SRI: variants seen among roughly 807,000 people sequenced by gnomAD.
SRI encodes the protein sorcin.
SRI carries 30 observed loss-of-function variants against 33.3 expected under a neutral mutation model. The ratio of observed to expected loss-of-function variants is 0.90; its 90% CI spans 0.67 to 1.22. The LOEUF (loss-of-function observed/expected upper bound fraction) is 1.22. Among genes scored for constraint, SRI ranks in the 50% most tolerant of loss-of-function variants. SRI has a pLI of 0.00. For synonymous variants in SRI, 75 were observed against 89.9 expected, an observed-to-expected ratio of 0.83 and a Z score of 0.94; for missense variants, 243 against 250.8, an observed-to-expected ratio of 0.97 and a Z score of 0.21.
chr7:88,209,105 A>G, intron 6 of SRI: 1 of 366,750 alleles, frequency 2.7e-6, no homozygotes, highest in South Asian at 4.5e-5. Flanking sequence ...GTTTTAGAAC[A>G]TTTTAGTAAA....
intron 2 of SRI, among the ~76,000 whole-genome samples, chr7:88,217,486 G>C (rs534767528): frequency 6.6e-6 from 1 of 151,964 alleles, no homozygotes; most frequent in East Asian, 1.9e-4. Context: ...TTTTTTGATG[G>C]GGGTGGAGAG....
At chr7:88,222,780 G>A (rs749047860), upstream of SRI, among the ~76,000 whole-genome samples, 1 of 152,160 alleles carries the variant, frequency 6.6e-6, no homozygotes, top group Non-Finnish European at 1.5e-5. Flanking sequence ...ATGGTGCTGG[G>A]AAAACAGGCT....
At chr7:88,208,470 T>C in intron 7 of SRI, 37 bp downstream of exon 7, 1 of 1,611,772 alleles carries the variant, frequency 6.2e-7, no homozygotes, top group Non-Finnish European at 8.5e-7. Context: ...GTGTACATCC[T>C]TTTCATCTAC....
At chr7:88,220,425 G>A (rs1851865065), upstream of SRI, among the ~76,000 whole-genome samples, 1 of 151,170 alleles carries the variant, frequency 6.6e-6, no homozygotes, top group Admixed American at 6.6e-5. Context: ...CAACTTTATT[G>A]GACAGGACGG....
chr7:88,221,730 A>T (rs1851892171), upstream of SRI, among the ~76,000 whole-genome samples: 1 of 152,004 alleles, frequency 6.6e-6, no homozygotes, highest in South Asian at 2.1e-4. Context: ...GGTACATGTG[A>T]ACATTGTGCA....
At chr7:88,220,062 C>A (rs1448795747), upstream of SRI, 2 of 1,501,846 alleles carry the variant, frequency 1.3e-6, no homozygotes, top group African/African-American at 1.5e-5. Flanking sequence ...TCGCCCTGTG[C>A]GCCAGGCCTC....
chr7:88,211,281 C>T (rs765800277), intron 3 of SRI, among the ~76,000 whole-genome samples: 4 of 152,122 alleles, frequency 2.6e-5, no homozygotes, highest in Non-Finnish European at 5.9e-5. Context: ...ATGGCAAAAA[C>T]TCGTCTCTAC....
intron 3 of SRI, among the ~76,000 whole-genome samples, chr7:88,212,584 G>A (rs900141375): frequency 6.6e-6 from 1 of 152,192 alleles, no homozygotes; most frequent in Non-Finnish European, 1.5e-5. Context: ...AGCCAAGGTT[G>A]AGACCACCAT....
intron 3 of SRI, among the ~76,000 whole-genome samples, chr7:88,214,534 G>A (rs1313828060): frequency 1.3e-5 from 2 of 151,952 alleles, no homozygotes; most frequent in South Asian, 2.1e-4. Flanking sequence ...GAACTAGAAC[G>A]CTGATGTCCA....
intron 3 of SRI, among the ~76,000 whole-genome samples, chr7:88,211,962 T>C (rs1232459010): frequency 1.3e-5 from 2 of 152,318 alleles, no homozygotes; most frequent in Middle Eastern, 3.4e-3. Context: ...ACCTCTTACA[T>C]TGAATTAATG....
intron 3 of SRI, 140 bp downstream of exon 3, chr7:88,216,982 G>GTACT (rs1851736772): frequency 1.3e-6 from 1 of 790,740 alleles, no homozygotes; most frequent in Non-Finnish European, 2.2e-6. Flanking sequence ...TTTTGAAATA[G>GTACT]TACTGTATTT....
chr7:88,226,584 C>A (rs1852002212), intron 1 of SRI, among the ~76,000 whole-genome samples: 1 of 152,104 alleles, frequency 6.6e-6, no homozygotes, highest in South Asian at 2.1e-4. Context: ...TCCTAGGTGC[C>A]TAGGTACAGT....
At chr7:88,214,099 A>C (rs890539392) in intron 3 of SRI, among the ~76,000 whole-genome samples, 1 of 152,210 alleles carries the variant, frequency 6.6e-6, no homozygotes, top group Non-Finnish European at 1.5e-5. Flanking sequence ...AGAAAGTACC[A>C]GAAGGGATTG....
intron 3 of SRI, among the ~76,000 whole-genome samples, chr7:88,211,812 C>CACTATTCAG (rs559611854): frequency 1.5e-4 from 23 of 152,230 alleles, no homozygotes; most frequent in African/African-American, 5.5e-4. Context: ...CAGTGGTGGC[C>CACTATTCAG]ACTATTCAGA....
intron 5 of SRI, among the ~76,000 whole-genome samples, chr7:88,209,669 C>T (rs1458363122): frequency 6.6e-6 from 1 of 152,008 alleles, no homozygotes; most frequent in East Asian, 1.9e-4. Context: ...GGCTGGAGTG[C>T]AGTGGTGTGA....
intron 3 of SRI, among the ~76,000 whole-genome samples, chr7:88,212,440 T>TG (rs1222686057): frequency 2.0e-5 from 3 of 152,204 alleles, no homozygotes; most frequent in Non-Finnish European, 4.4e-5. Flanking sequence ...TCTCCACACT[T>TG]GTGCTTATCT....
upstream of SRI, among the ~76,000 whole-genome samples, chr7:88,224,249 A>T (rs1433948619): frequency 6.6e-6 from 1 of 152,242 alleles, no homozygotes; most frequent in Non-Finnish European, 1.5e-5. Flanking sequence ...GACAAACGGC[A>T]GTGTGGACAC....
At position 88,206,374 on chromosome 7, in the gene SRI, G is replaced by T; in HGVS notation, c.*104C>A. 1 of 1,320,872 alleles carries T rather than the reference G, an allele frequency of 7.6e-7. No homozygotes were observed. The allele number at this position is 1,320,872 out of a possible 1,614,324, so 81.8% of individuals were successfully genotyped here. On this transcript the variant is annotated 3_prime_UTR_variant, in exon 8 of 8. Coordinates refer to ENST00000265729, the MANE Select transcript of SRI (RefSeq NM_003130.4). Reference sequence around the variant, plus strand: ...ATAAACTTTACAACAGCTGTTAAGAGAAAGTCGTGATGTAAGTTTATACAT... The same window carrying T: ...ATAAACTTTACAACAGCTGTTAAGATAAAGTCGTGATGTAAGTTTATACAT...
chr7:88,216,826 G>A (rs1286680911), intron 3 of SRI: 3 of 412,364 alleles, frequency 7.3e-6, no homozygotes, highest in Admixed American at 3.8e-5. Flanking sequence ...TCAGGCTGGA[G>A]TGCAGTGGTA....
Sources: gnomAD v4.1 joint callset for allele counts (sites outside exome capture counted in the v4.1 genomes callset) on GRCh38, gnomAD v4.1.1 for gene constraint, MANE v1.5 for transcripts, NCBI Gene and HGNC (gene_info 2026-07-23, HGNC 2026-07-21) for gene names.